Variants in SDCCAG8 observed in about 807,000 individuals in gnomAD.
The protein encoded by SDCCAG8 is SHH signaling and ciliogenesis regulator SDCCAG8.
In SDCCAG8, 74 loss-of-function variants were observed where a neutral mutation model predicts 101.8. The observed-to-expected ratio is 0.73, with a 90% confidence interval of 0.60 to 0.88. The LOEUF (loss-of-function observed/expected upper bound fraction) is 0.88. SDCCAG8 is among the 40% of genes least tolerant of loss of function. The pLI, the probability that SDCCAG8 is intolerant of heterozygous loss-of-function variation, is 0.00. For missense variants in SDCCAG8, 787 were observed against 822.6 expected, an observed-to-expected ratio of 0.96 and a Z score of 0.53; for synonymous variants, 281 against 292.9, an observed-to-expected ratio of 0.96 and a Z score of 0.41.
intron 16 of SDCCAG8, chr1:243,476,152 T>G: frequency 1.0e-6 from 1 of 985,512 alleles, no homozygotes; most frequent in Non-Finnish European, 1.2e-6. Flanking sequence ...ATTTTATTTC[T>G]GAGTCACTCT....
At chr1:243,291,087 A>G (rs2070204886) in intron 5 of SDCCAG8, among the ~76,000 whole-genome samples, 2 of 152,216 alleles carry the variant, frequency 1.3e-5, no homozygotes, top group African/African-American at 4.8e-5. Flanking sequence ...GTAGTTTACC[A>G]CGTTCGAGCA....
At chr1:243,496,348 G>A (rs572577782) in intron 17 of SDCCAG8, among the ~76,000 whole-genome samples, 10 of 152,266 alleles carry the variant, frequency 6.6e-5, no homozygotes, top group South Asian at 4.1e-4. Flanking sequence ...GGCGGGAGGC[G>A]AGCCACCAAG....
In SDCCAG8 at chr1:243,318,581, T is replaced by C. The variant is rs188902676; in HGVS notation, c.1068+1688T>C. ...TCAGCCATTGCTATGTCCATTTGTCTTTATCCAGTTCATCCATAACTCTTC... is the reference window on the plus strand; with the variant it reads ...TCAGCCATTGCTATGTCCATTTGTCCTTATCCAGTTCATCCATAACTCTTC... On this transcript the variant is annotated intron_variant, in intron 9 of 17. Transcript: ENST00000366541. 3.0e-6 allele frequency: 3 copies of C among 985,218 alleles called. No homozygotes were observed. In the East Asian group the frequency reaches 3.4e-4, roughly 112 times the overall value. The allele number at this position is 985,218 out of a possible 1,614,324, so 61.0% of individuals were successfully genotyped here. A position where few individuals can be genotyped will look rare whatever the true frequency, so the allele number is the denominator to read the frequency against.
intron 6 of SDCCAG8, among the ~76,000 whole-genome samples, chr1:243,297,425 G>T (rs531242237): frequency 6.6e-6 from 1 of 152,158 alleles, no homozygotes; most frequent in Non-Finnish European, 1.5e-5. Context: ...ACAAATTTAC[G>T]TTGCATATGT....
Position 243,499,801 on chromosome 1 carries a change from G to A in SDCCAG8, c.*16G>A. 1 of 1,611,084 alleles carries A rather than the reference G, an allele frequency of 6.2e-7. No individual in the cohort carries two copies. The highest frequency in any genetic ancestry group is 8.5e-7 in the Non-Finnish European group (1 of 1,177,732). On this transcript the variant is annotated 3_prime_UTR_variant, in exon 18 of 18. Transcript: ENST00000366541. ...TGATTGCTGACCTGGATGGAACAGA[G>A]TGAAATAAATGATTTACAAAGAGAT...
At chr1:243,263,766 C>G (rs929347710) in intron 1 of SDCCAG8, among the ~76,000 whole-genome samples, 1 of 152,048 alleles carries the variant, frequency 6.6e-6, no homozygotes, top group Non-Finnish European at 1.5e-5. Flanking sequence ...CTTTGAGATT[C>G]AAACAAAAAA....
chr1:243,487,257 G>T (rs899804940), intron 16 of SDCCAG8, among the ~76,000 whole-genome samples: 2 of 152,116 alleles, frequency 1.3e-5, no homozygotes, highest in African/African-American at 4.8e-5. Flanking sequence ...CACTGTTCAG[G>T]ACAGCCCGGG....
chr1:243,313,204 A>G (rs1166296487), intron 8 of SDCCAG8, among the ~76,000 whole-genome samples: 2 of 152,228 alleles, frequency 1.3e-5, no homozygotes, highest in African/African-American at 2.4e-5. Context: ...GAACAAAGAA[A>G]TGTTGTAGTC....
intron 8 of SDCCAG8, 95 bp downstream of exon 8, chr1:243,308,272 A>G (rs2072364823): frequency 2.3e-6 from 3 of 1,283,048 alleles, no homozygotes; most frequent in Non-Finnish European, 3.4e-6. Context: ...GCTAAGTCAC[A>G]TGTGATTATT....
chr1:243,489,463 C>T (rs1665847386), intron 17 of SDCCAG8, among the ~76,000 whole-genome samples: 1 of 152,176 alleles, frequency 6.6e-6, no homozygotes, highest in Non-Finnish European at 1.5e-5. Flanking sequence ...CCGTGGGCGG[C>T]AGAACAGGCT....
At chr1:243,423,521 A>C (rs1038732271) in intron 15 of SDCCAG8, among the ~76,000 whole-genome samples, 2 of 152,170 alleles carry the variant, frequency 1.3e-5, no homozygotes, top group African/African-American at 4.8e-5. Context: ...AAGAATTATT[A>C]GGCTTTTAAG....
chr1:243,472,434 C>T (rs1661447440), intron 16 of SDCCAG8, among the ~76,000 whole-genome samples: 1 of 152,214 alleles, frequency 6.6e-6, no homozygotes, highest in Admixed American at 6.5e-5. Context: ...AGTACCTGGT[C>T]TGTGCTGCAC....
In SDCCAG8 at chr1:243,368,487, A is replaced by C. The variant is rs1573604612; in HGVS notation, c.1474-10234A>C. On this transcript the variant is annotated intron_variant, in intron 12 of 17. Transcript: ENST00000366541. ...GATGCCATAGAATTACCAGCTTTGC[A>C]AAACAAGGAACTGCCAAATATCCAA... 3.9e-5 allele frequency among the ~76,000 whole-genome samples: 6 copies of C among 152,290 alleles called. 1 individual carries two copies. The highest frequency in any genetic ancestry group is 3.9e-4 in the Admixed American group (6 of 15,284).
chr1:243,353,282 G>A (rs1476325066), intron 12 of SDCCAG8, among the ~76,000 whole-genome samples: 2 of 151,766 alleles, frequency 1.3e-5, no homozygotes, highest in Non-Finnish European at 2.9e-5. Flanking sequence ...CTTGAGGTCA[G>A]GAGTTCGAGG....
At chr1:243,480,487 TGGGTGGGATGGATGGATGGATAGGTG>T (rs2148223896) in intron 16 of SDCCAG8, among the ~76,000 whole-genome samples, 1 of 61,188 alleles carries the variant, frequency 1.6e-5, no homozygotes, top group African/African-American at 6.8e-5. Context: ...GATGGATGGA[TGGGTGGGATGGATGGATGGATAGGTG>T]GGATGGGTGG....
chr1:243,293,998 T>A (rs997176033), intron 6 of SDCCAG8, among the ~76,000 whole-genome samples: 1 of 152,190 alleles, frequency 6.6e-6, no homozygotes, highest in Admixed American at 6.5e-5. Flanking sequence ...TTTGGTTCCT[T>A]TTTATAATGT....
intron 6 of SDCCAG8, among the ~76,000 whole-genome samples, chr1:243,294,700 C>A (rs897763419): frequency 8.5e-5 from 7 of 82,084 alleles, no homozygotes; most frequent in South Asian, 6.3e-4. Context: ...CTAAATTCCC[C>A]CCCCCCCCCA....
intron 2 of SDCCAG8, 136 bp downstream of exon 2, chr1:243,270,393 C>T: frequency 4.2e-6 from 4 of 963,748 alleles, no homozygotes; most frequent in East Asian, 5.2e-5. Flanking sequence ...ATTTAATTCC[C>T]TCGCTTAATC....
chr1:243,359,488 C>T (rs2076573661), intron 12 of SDCCAG8, among the ~76,000 whole-genome samples: 2 of 151,958 alleles, frequency 1.3e-5, no homozygotes, highest in Admixed American at 1.3e-4. Flanking sequence ...ATATTTTAGC[C>T]CAGTCTGGAG....
Sources: allele counts gnomAD v4.1 joint callset (sites outside exome capture counted in the v4.1 genomes callset), GRCh38; gene constraint gnomAD v4.1.1; transcripts MANE v1.5; gene names NCBI Gene and HGNC (gene_info 2026-07-23, HGNC 2026-07-21).